TMEM131: variants seen among roughly 807,000 people sequenced by gnomAD.
TMEM131 encodes 2610524E03Rik.
In TMEM131, 66 loss-of-function variants were observed where a neutral mutation model predicts 211.6. The ratio of observed to expected loss-of-function variants is 0.31; its 90% CI spans 0.26 to 0.38. The LOEUF is 0.38. TMEM131 is among the 10% of genes least tolerant of loss of function. TMEM131 has a pLI of 1.00. For missense variants in TMEM131, 2,036 were observed against 2,299.3 expected (o/e 0.89, Z 2.34); for synonymous variants, 844 against 841.3 (o/e 1.00, Z -0.06).
intron 3 of TMEM131, among the ~76,000 whole-genome samples, chr2:97,890,674 C>T (rs942729688): frequency 9.9e-5 from 15 of 152,194 alleles, no homozygotes; most frequent in African/African-American, 3.6e-4. Flanking sequence ...TTCCAACAGT[C>T]TGTCTAGATT....
rs534661855 is a variant in TMEM131, at chr2:97,792,555, G to T, written c.3975C>A (p.Pro1325=). ...GTTCTGGGTGGGAAGGGTGTGCGAG[G>T]GGGGCGGGAGACAGCCTTTCAGGCT... ...EPQPERLSPA[P]LAHPSHPERA... The change falls in exon 31 of 41, where the codon CCC becomes CCA. Residue 1325 remains proline (P), a synonymous_variant. Transcript: ENST00000186436. 1 of 1,613,420 alleles carries T rather than the reference G, an allele frequency of 6.2e-7. No homozygotes were observed. Among genetic ancestry groups the T allele is most frequent in the African/African-American group, 1.3e-5 (1 of 75,030 alleles).
rs762704008 is a variant in TMEM131 at position 97,792,968 on chromosome 2, A to G, written c.3562T>C (p.Cys1188Arg). Residue 1188 changes from cysteine (C) to arginine (R), a missense_variant, in exon 31 of 41, where the codon TGT becomes CGT. Cys to Arg is a radical substitution (Grantham distance 180). Around this residue, in one of 3 missense-constraint regions of TMEM131, gnomAD observed 1,623 missense variants for 1,805.9 expected, o/e 0.90. Coordinates refer to ENST00000186436, the MANE Select transcript of TMEM131 (RefSeq NM_015348.2). ...SSEGNLNTLS[C>R]DPGHSRGFCG... is the part of the protein sequence containing the mutation. ...AACCCCCTACTGTGACCGGGGTCAC[A>G]GCTGAGTGTGTTCAAGCTGAAAAAG... 2 of 1,580,026 alleles carry G rather than the reference A, an allele frequency of 1.3e-6. No individual in the cohort carries two copies. Among genetic ancestry groups the G allele is most frequent in the South Asian group, 2.3e-5 (2 of 87,800 alleles).
intron 31 of TMEM131, among the ~76,000 whole-genome samples, chr2:97,782,951 T>G (rs2104846881): frequency 6.9e-6 from 1 of 145,130 alleles, no homozygotes; most frequent in Non-Finnish European, 1.5e-5. Context: ...TTGGTGAGAC[T>G]AAACCTATAT....
At chr2:97,770,631 T>TA (rs1340917029) in intron 33 of TMEM131, among the ~76,000 whole-genome samples, 8 of 151,962 alleles carry the variant, frequency 5.3e-5, no homozygotes, top group Non-Finnish European at 1.0e-4. Flanking sequence ...GGTCAACTTG[T>TA]AAAAAAAATC....
chr2:97,864,415 G>A (rs1674190371), intron 4 of TMEM131, among the ~76,000 whole-genome samples: 1 of 152,090 alleles, frequency 6.6e-6, no homozygotes, highest in Non-Finnish European at 1.5e-5. Flanking sequence ...ATAAATGACT[G>A]AGGTGATGAC....
chr2:97,842,675 G>A (rs1430271624), intron 6 of TMEM131, among the ~76,000 whole-genome samples: 2 of 152,122 alleles, frequency 1.3e-5, no homozygotes, highest in East Asian at 1.9e-4. Context: ...TATATTTGGT[G>A]AAAGACTAGA....
chr2:97,766,123 G>T lies in TMEM131; in HGVS notation c.4714C>A (p.Pro1572Thr). The T allele has an allele frequency of 6.2e-7, 1 of 1,614,010 alleles. No individual in the cohort carries two copies. The highest frequency in any genetic ancestry group is 8.5e-7 in the Non-Finnish European group (1 of 1,179,882). Residue 1572 changes from proline to threonine, a missense_variant, in exon 35 of 41, where the codon CCT (proline) becomes ACT (threonine). Coordinates refer to ENST00000186436, the MANE Select transcript of TMEM131 (RefSeq NM_015348.2). ...AAACTACTATACTTACAGCTGCCAGGTTTGTGAACTGGAACGGAATCCCAC... is the reference window on the plus strand; with the variant it reads ...AAACTACTATACTTACAGCTGCCAGTTTTGTGAACTGGAACGGAATCCCAC... ...PEWDSVPVHKPGSSTDSLYKL... is the reference protein window; with the variant it reads ...PEWDSVPVHKTGSSTDSLYKL...
At chr2:97,868,049 CATGCCCTAAGGGTATATTTGCT>C (rs1222600758) in intron 4 of TMEM131, among the ~76,000 whole-genome samples, 1 of 152,160 alleles carries the variant, frequency 6.6e-6, no homozygotes, top group Admixed American at 6.5e-5. Context: ...CTTAAAATCC[CATGCCCTAAGGGTATATTTGCT>C]TCAAGTATTC....
intron 24 of TMEM131, 81 bp downstream of exon 24, chr2:97,802,347 T>G: frequency 9.6e-7 from 1 of 1,041,636 alleles, no homozygotes; most frequent in South Asian, 1.6e-5. Context: ...CTGTATGAGC[T>G]GCAAATAAGG....
intron 31 of TMEM131, among the ~76,000 whole-genome samples, chr2:97,789,180 C>T (rs1026534438): frequency 2.0e-5 from 3 of 152,268 alleles, no homozygotes; most frequent in Admixed American, 6.5e-5. Context: ...GAGCACTCTT[C>T]AGCCTCTGCT....
At chr2:97,827,128 G>A in intron 11 of TMEM131, 2 of 424,672 alleles carry the variant, frequency 4.7e-6, no homozygotes, top group South Asian at 2.8e-5. Context: ...TTCAACAAAA[G>A]TTTGCTAAAA....
chr2:97,757,312 A>G lies in TMEM131; in HGVS notation c.5439T>C (p.Leu1813=). The part of the protein sequence containing the change: ...PFSSSIWSSN[L]SSALPFTTPA... ...GAGTGGTGAAGGGAAGGGCGCTGCT[A>G]AGGTTGCTGGACCAAATGGAGCTGC... Residue 1813 remains leucine, a synonymous_variant, in exon 41 of 41, where the codon CTT becomes CTC. Coordinates refer to ENST00000186436, the MANE Select transcript of TMEM131 (RefSeq NM_015348.2). 6.2e-7 allele frequency: 1 copy of G among 1,613,864 alleles called. No homozygotes were observed.
chr2:97,995,565 C>A lies in TMEM131; in HGVS notation c.98G>T (p.Gly33Val). The A allele has an allele frequency of 7.6e-7, 1 of 1,311,002 alleles. No individual in the cohort carries two copies. The allele number at this position is 1,311,002 out of a possible 1,614,324, so 81.2% of individuals were successfully genotyped here. ...AGLEPAAARS[G>V]GPRSAAAGLL... ...GCCGGCGGCCGCGCTCCGCGGGCCCCCGCTACGGGCGGCCGCAGGTTCCAG... is the reference window on the plus strand; with the variant it reads ...GCCGGCGGCCGCGCTCCGCGGGCCCACGCTACGGGCGGCCGCAGGTTCCAG... The change falls in exon 1 of 41, where the codon GGG becomes GTG. Residue 33 changes from glycine to valine, a missense_variant. Physicochemically the swap from Gly to Val is moderately radical, Grantham distance 109 (BLOSUM62 -3). Coordinates refer to ENST00000186436, the MANE Select transcript of TMEM131 (RefSeq NM_015348.2).
At chr2:97,961,824 G>C (rs1171247536) in intron 1 of TMEM131, among the ~76,000 whole-genome samples, 3 of 152,192 alleles carry the variant, frequency 2.0e-5, no homozygotes, top group African/African-American at 7.2e-5. Context: ...AGCTGAATAT[G>C]CAAATGCACT....
intron 1 of TMEM131, among the ~76,000 whole-genome samples, chr2:97,958,677 T>A (rs1017744606): frequency 1.3e-5 from 2 of 152,272 alleles, no homozygotes; most frequent in Non-Finnish European, 2.9e-5. Context: ...TGAAGGGGCA[T>A]ATGAAGAAAG....
intron 27 of TMEM131, 117 bp downstream of exon 27, chr2:97,796,727 A>G: frequency 9.7e-7 from 1 of 1,032,884 alleles, no homozygotes; most frequent in Non-Finnish European, 1.4e-6. Flanking sequence ...TAAGCTCTTA[A>G]GCATTCATAA....
chr2:97,763,946 T>C (rs1416621149), intron 35 of TMEM131: 1 of 152,224 alleles, frequency 6.6e-6, no homozygotes, highest in Non-Finnish European at 1.5e-5. Context: ...GAGCTGCAAT[T>C]AGAGAACGTT....
At chr2:97,825,777 G>T (rs1682354141) in intron 11 of TMEM131, among the ~76,000 whole-genome samples, 2 of 152,198 alleles carry the variant, frequency 1.3e-5, no homozygotes, top group Admixed American at 1.3e-4. Flanking sequence ...GTAGCAAAAG[G>T]CTGGCCTCAC....
chr2:97,846,471 C>A (rs1257750386), intron 5 of TMEM131, among the ~76,000 whole-genome samples: 1 of 152,090 alleles, frequency 6.6e-6, no homozygotes, highest in Non-Finnish European at 1.5e-5. Flanking sequence ...TATAATTTGA[C>A]AAAATTGAAT....
Sources: gnomAD v4.1 joint callset for allele counts (sites outside exome capture counted in the v4.1 genomes callset) on GRCh38, gnomAD v4.1.1 for gene constraint, gnomAD v4.1.1 regional missense constraint, MANE v1.5 for transcripts, NCBI Gene and HGNC (gene_info 2026-07-23, HGNC 2026-07-21) for gene names.